The following STAC variants were observed in gnomAD, a reference collection of about 807,000 sequenced individuals.
STAC encodes SH3 and cysteine-rich domain-containing protein.
STAC carries 43 observed loss-of-function variants against 48.8 expected under a neutral mutation model. The observed-to-expected ratio is 0.88, with a 90% CI of 0.69 to 1.14. STAC has a LOEUF of 1.14. Ranked by LOEUF, STAC falls within the 50% of genes most tolerant of loss-of-function variation. The pLI, the probability that STAC is intolerant of heterozygous loss-of-function variation, is 0.00. For synonymous variants in STAC, 193 were observed against 179.5 expected (o/e 1.07, Z -0.60); for missense variants, 497 against 504.0 (o/e 0.99, Z 0.13).
chr3:36,425,489 C>T (rs1336363382), intron 1 of STAC, among the ~76,000 whole-genome samples: 1 of 152,168 alleles, frequency 6.6e-6, no homozygotes, highest in East Asian at 1.9e-4. Flanking sequence ...AATATGGAAT[C>T]CTGGATTGGA....
At chr3:36,413,320 T>C (rs56384636) in intron 1 of STAC, among the ~76,000 whole-genome samples, 15,641 of 152,258 alleles carry the variant, frequency 0.1, 930 homozygotes, top group East Asian at 0.24. Context: ...GGTCTCTTTG[T>C]AGGTCTCTAA....
chr3:36,398,246 T>C (rs1699893079), intron 1 of STAC, among the ~76,000 whole-genome samples: 1 of 150,698 alleles, frequency 6.6e-6, no homozygotes, highest in Non-Finnish European at 1.5e-5. Context: ...TGCCAGTTTA[T>C]GAGCTTTGTA....
chr3:36,460,277 T>C (rs1166504227), intron 2 of STAC, among the ~76,000 whole-genome samples: 2 of 152,058 alleles, frequency 1.3e-5, no homozygotes, highest in Non-Finnish European at 2.9e-5. Context: ...CAACTTTTGC[T>C]CTACATTGCT....
rs73052248 is a variant in STAC at position 36,380,724 on chromosome 3, T to C, written c.81T>C (p.Ser27=). Reference sequence around the variant, plus strand: ...CGGTGGGCGCCGAGCAACCGCCCTCTCCTGCATCCACCAGCAGCCAGGAAT... The same window carrying C: ...CGGTGGGCGCCGAGCAACCGCCCTCCCCTGCATCCACCAGCAGCCAGGAAT... ...KEAVGAEQPP[S]PASTSSQESK... is the part of the protein sequence containing the mutation. Residue 27 remains serine, a synonymous_variant, in exon 1 of 11, where the codon TCT becomes TCC. Transcript: ENST00000273183. The C allele has an allele frequency of 0.23, 372,941 of 1,610,652 alleles. 45,122 individuals carry two copies. Among genetic ancestry groups the C allele is most frequent in the Admixed American group, 0.26 (15,794 of 59,750 alleles).
chr3:36,505,925 A>G, intron 8 of STAC, 91 bp downstream of exon 8: 3 of 788,286 alleles, frequency 3.8e-6, no homozygotes, highest in Non-Finnish European at 6.1e-6. Flanking sequence ...GCCCCTCCTA[A>G]TGCTTTATAG....
chr3:36,465,862 G>A (rs1388877599), intron 2 of STAC, among the ~76,000 whole-genome samples: 2 of 152,034 alleles, frequency 1.3e-5, no homozygotes, highest in African/African-American at 4.8e-5. Context: ...ATTAGATTGT[G>A]CCCACCAGAT....
intron 1 of STAC, among the ~76,000 whole-genome samples, chr3:36,437,849 G>T (rs1288745510): frequency 6.6e-6 from 1 of 150,502 alleles, no homozygotes; most frequent in African/African-American, 2.4e-5. Context: ...TTAAAAGGAA[G>T]GTTTTAATCC....
At chr3:36,393,103 C>T (rs938634607) in intron 1 of STAC, among the ~76,000 whole-genome samples, 3 of 152,182 alleles carry the variant, frequency 2.0e-5, no homozygotes, top group Admixed American at 6.5e-5. Flanking sequence ...TCAAGCTTCC[C>T]ACTCTGTGGC....
chr3:36,499,186 C>G (rs1698224084), intron 6 of STAC, among the ~76,000 whole-genome samples: 1 of 152,032 alleles, frequency 6.6e-6, no homozygotes, highest in Admixed American at 6.6e-5. Context: ...AATATGACCT[C>G]AATGGAAAGA....
intron 8 of STAC, among the ~76,000 whole-genome samples, chr3:36,509,874 G>C (rs559071636): frequency 1.8e-4 from 28 of 151,726 alleles, no homozygotes; most frequent in Non-Finnish European, 3.7e-4. Flanking sequence ...AAAACCTAGG[G>C]AATACCATTC....
intron 8 of STAC, among the ~76,000 whole-genome samples, chr3:36,524,922 G>A (rs1698896923): frequency 6.6e-6 from 1 of 152,152 alleles, no homozygotes; most frequent in Admixed American, 6.5e-5. Context: ...CAGGTACTTA[G>A]AGCGTTTGGC....
At chr3:36,381,199 G>A (rs1402165533) in intron 1 of STAC, among the ~76,000 whole-genome samples, 1 of 152,056 alleles carries the variant, frequency 6.6e-6, no homozygotes, top group Admixed American at 6.5e-5. Context: ...TTGCTTAACA[G>A]GGATCACCCC....
At chr3:36,440,948 T>G (rs1696330327) in intron 1 of STAC, among the ~76,000 whole-genome samples, 1 of 152,234 alleles carries the variant, frequency 6.6e-6, no homozygotes. Flanking sequence ...TAAATTACTT[T>G]TATGATTTTA....
rs1317539869 is a variant in STAC, at chr3:36,485,065, T to C, written c.571+7T>C. The C allele has an allele frequency of 6.3e-7, 1 of 1,598,968 alleles. No homozygotes were observed. Among genetic ancestry groups the C allele is most frequent in the East Asian group, 2.3e-5 (1 of 43,762 alleles). On this transcript the variant is annotated splice_region_variant and intron_variant, in intron 4 of 10. Coordinates refer to ENST00000273183, the MANE Select transcript of STAC (RefSeq NM_003149.3). ...AAAGAAGTTATGCCCATTGGTGAGT[T>C]GGGACATTGATGGGTTGAGTTGAGT...
chr3:36,451,304 TA>T (rs1696672732), intron 2 of STAC, among the ~76,000 whole-genome samples: 1 of 152,218 alleles, frequency 6.6e-6, no homozygotes, highest in Non-Finnish European at 1.5e-5. Context: ...ATAAATATGG[TA>T]TTTTGTTCCC....
intron 2 of STAC, among the ~76,000 whole-genome samples, chr3:36,447,652 CA>C (rs1696548100): frequency 6.6e-4 from 42 of 63,534 alleles, no homozygotes; most frequent in Middle Eastern, 5.3e-3. Context: ...ATACACACCA[CA>C]CACACACACA....
chr3:36,429,256 G>C (rs1232889330), intron 1 of STAC, among the ~76,000 whole-genome samples: 1 of 152,134 alleles, frequency 6.6e-6, no homozygotes, highest in Non-Finnish European at 1.5e-5. Flanking sequence ...GGCCCTCAAG[G>C]ACACACCAGT....
At position 36,484,852 on chromosome 3, in the gene STAC, G is replaced by A. The variant is rs76557393; in HGVS notation, c.490-125G>A. 2.4e-3 allele frequency: 1,429 copies of A among 596,758 alleles called. 14 individuals are homozygous for A. In the African/African-American group the frequency reaches 0.025, roughly 10 times the overall value. 37.0% of individuals were successfully genotyped at this position (596,758 alleles called of 1,614,324 possible). A position where few individuals can be genotyped will look rare whatever the true frequency, so the allele number is the denominator to read the frequency against. On this transcript the variant is annotated intron_variant, in intron 3 of 10. Transcript: ENST00000273183. ...AAATTGTGGAATTATAGGATAAGTC[G>A]GCATGTTAATGGGAGACAGGAGGGT...
At position 36,546,262 on chromosome 3, in the gene STAC, C is replaced by G; in HGVS notation, c.1182C>G (p.Ile394Met). ...TCAGTGGAAAAAAGAAAGGCCTCAT[C>G]CCCCTTGATGTACTAGAAAACATCT... ...RVLSGKKKGL[I>M]PLDVLENI is the part of the protein sequence containing the mutation. The change falls in exon 11 of 11, where the codon ATC becomes ATG. Residue 394 changes from isoleucine to methionine, a missense_variant. Physicochemically the swap from Ile to Met is conservative, Grantham distance 10 (BLOSUM62 1). Transcript: ENST00000273183. The G allele has an allele frequency of 6.2e-7, 1 of 1,614,032 alleles. No homozygotes were observed. Among genetic ancestry groups the G allele is most frequent in the Non-Finnish European group, 8.5e-7 (1 of 1,179,918 alleles).
Sources: allele counts gnomAD v4.1 joint callset (sites outside exome capture counted in the v4.1 genomes callset), GRCh38; gene constraint gnomAD v4.1.1; transcripts MANE v1.5; gene names NCBI Gene and HGNC (gene_info 2026-07-23, HGNC 2026-07-21).